The following ITGA1 variants were observed in gnomAD, a reference collection of about 807,000 sequenced individuals.
The protein encoded by ITGA1 is integrin alpha-1.
ITGA1 carries 85 observed loss-of-function variants against 145.9 expected under a neutral mutation model. That is an observed-to-expected ratio of 0.58 (90% CI 0.49 to 0.70). The LOEUF (loss-of-function observed/expected upper bound fraction) is 0.70, where lower values mean the gene tolerates loss of function less well. ITGA1 is among the 30% of genes least tolerant of loss of function. The pLI is 0.00. For missense variants in ITGA1, 1,351 were observed against 1,418.7 expected, an observed-to-expected ratio of 0.95 and a Z score of 0.77; for synonymous variants, 520 against 495.3, an observed-to-expected ratio of 1.05 and a Z score of -0.66.
chr5:52,834,379 A>C (rs1561222293), intron 1 of ITGA1, among the ~76,000 whole-genome samples: 1 of 151,884 alleles, frequency 6.6e-6, no homozygotes, highest in Non-Finnish European at 1.5e-5. Flanking sequence ...GTAAATGGCC[A>C]TCTTCTTGCC....
In ITGA1 at chr5:52,933,712, A is replaced by G. The variant is rs150728380; in HGVS notation, c.2862-182A>G. On this transcript the variant is annotated intron_variant, in intron 22 of 28. Coordinates refer to ENST00000282588, the MANE Select transcript of ITGA1 (RefSeq NM_181501.2). ...ATCAGTGACTATTGAACTAAATTAC[A>G]TAATCCTTCTCACTCTCCTCAAAGA... is the stretch of plus-strand genomic sequence containing the variant. 7.5e-3 allele frequency: 2,538 copies of G among 337,912 alleles called. 16 individuals carry two copies. The highest frequency in any genetic ancestry group is 0.011 in the Non-Finnish European group (1,980 of 182,978). The allele number at this position is 337,912 out of a possible 1,614,324, so 20.9% of individuals were successfully genotyped here.
chr5:52,939,819 T>C (rs772458272), intron 25 of ITGA1, 21 bp from the exon 26 acceptor site: 13 of 1,508,056 alleles, frequency 8.6e-6, no homozygotes, highest in Middle Eastern at 3.4e-4. Flanking sequence ...TACTGATATG[T>C]ATCTCTGGAC....
At chr5:52,801,321 C>G in intron 1 of ITGA1, 1 of 1,212,552 alleles carries the variant, frequency 8.2e-7, no homozygotes, top group Non-Finnish European at 1.2e-6. Context: ...TGAAGCCTTA[C>G]TAGCGCTTTT....
chr5:52,903,049 T>C (rs760045697), intron 11 of ITGA1: 2 of 152,198 alleles, frequency 1.3e-5, no homozygotes, highest in Non-Finnish European at 2.9e-5. Flanking sequence ...AACTGGTAGT[T>C]ACTGTCCCTG....
intron 1 of ITGA1, among the ~76,000 whole-genome samples, chr5:52,797,550 C>A (rs1462578495): frequency 6.6e-6 from 1 of 151,616 alleles, no homozygotes; most frequent in East Asian, 1.9e-4. Context: ...CCTTTCAAAT[C>A]CTCTAGGTTG....
intron 19 of ITGA1, among the ~76,000 whole-genome samples, chr5:52,925,891 A>G (rs1427482929): frequency 6.6e-6 from 1 of 152,196 alleles, no homozygotes; most frequent in South Asian, 2.1e-4. Context: ...CTCCCTTTCT[A>G]TGCAAAATCC....
At chr5:52,840,529 T>A (rs1749237701) in intron 1 of ITGA1, among the ~76,000 whole-genome samples, 1 of 152,076 alleles carries the variant, frequency 6.6e-6, no homozygotes, top group Non-Finnish European at 1.5e-5. Context: ...GCTGATGTGG[T>A]GAAGGGGGTT....
intron 14 of ITGA1, among the ~76,000 whole-genome samples, chr5:52,913,796 C>T (rs532814436): frequency 6.6e-6 from 1 of 152,276 alleles, no homozygotes; most frequent in Admixed American, 6.5e-5. Flanking sequence ...GTAATGCAAA[C>T]ATGAGTGATT....
chr5:52,791,841 TAAG>T (rs1748248635), intron 1 of ITGA1, among the ~76,000 whole-genome samples: 1 of 152,186 alleles, frequency 6.6e-6, no homozygotes, highest in African/African-American at 2.4e-5. Context: ...AATATAGTAT[TAAG>T]AAGTTAATTT....
chr5:52,947,551 A>T, intron 28 of ITGA1, 90 bp downstream of exon 28: 1 of 757,248 alleles, frequency 1.3e-6, no homozygotes, highest in Non-Finnish European at 2.3e-6. Flanking sequence ...TATGTAATAT[A>T]GTATTATTAC....
intron 1 of ITGA1, among the ~76,000 whole-genome samples, chr5:52,799,445 G>A (rs1423760023): frequency 6.6e-6 from 1 of 152,164 alleles, no homozygotes; most frequent in East Asian, 1.9e-4. Context: ...GAAAGCTGAG[G>A]CTGCCAACTT....
intron 21 of ITGA1, chr5:52,931,836 C>A: frequency 2.3e-6 from 1 of 426,496 alleles, no homozygotes; most frequent in Non-Finnish European, 4.2e-6. Flanking sequence ...ATTGTCAAGT[C>A]TAGTCGCACA....
chr5:52,807,888 A>G (rs745725074), intron 1 of ITGA1, among the ~76,000 whole-genome samples: 9 of 152,122 alleles, frequency 5.9e-5, no homozygotes, highest in Non-Finnish European at 8.8e-5. Context: ...CTTTTTTTTA[A>G]TGACTCACCT....
Position 52,922,961 on chromosome 5 carries a change from T to A in ITGA1, c.2403+74T>A, listed in dbSNP as rs1012489711. ...AATGTCACTAGTAAACTGTGTTTTT[T>A]CACTACTCTGCATTGATCACAAAGA... On this transcript the variant is annotated intron_variant, in intron 18 of 28. Coordinates refer to ENST00000282588, the MANE Select transcript of ITGA1 (RefSeq NM_181501.2). 2.6e-5 allele frequency: 23 copies of A among 881,668 alleles called. No individual in the cohort carries two copies. In the African/African-American group the frequency reaches 3.5e-4, roughly 13 times the overall value. The allele number at this position is 881,668 out of a possible 1,614,324, so 54.6% of individuals were successfully genotyped here.
intron 8 of ITGA1, among the ~76,000 whole-genome samples, chr5:52,892,321 CA>C (rs200126476): frequency 6.6e-6 from 1 of 151,534 alleles, no homozygotes; most frequent in African/African-American, 2.4e-5. Context: ...AACAAGTGAA[CA>C]AAAAAAACTG....
intron 1 of ITGA1, among the ~76,000 whole-genome samples, chr5:52,836,597 G>T (rs761732495): frequency 2.6e-5 from 4 of 151,932 alleles, no homozygotes; most frequent in Non-Finnish European, 4.4e-5. Context: ...TGTTCATTTT[G>T]CCTACCTCTG....
At chr5:52,906,957 G>A (rs553026238) in intron 12 of ITGA1, among the ~76,000 whole-genome samples, 1 of 152,296 alleles carries the variant, frequency 6.6e-6, no homozygotes, top group Admixed American at 6.5e-5. Flanking sequence ...ATAGCTTCCA[G>A]GGTGTCTACA....
intron 1 of ITGA1, among the ~76,000 whole-genome samples, chr5:52,816,915 A>G (rs1184837704): frequency 6.6e-6 from 1 of 152,208 alleles, no homozygotes; most frequent in Non-Finnish European, 1.5e-5. Context: ...TCTTTGCAGT[A>G]ATATTTTCAA....
intron 1 of ITGA1, chr5:52,800,080 C>A (rs1459348840): frequency 2.9e-6 from 1 of 348,636 alleles, no homozygotes; most frequent in East Asian, 6.5e-5. Context: ...GGGACGGGGG[C>A]TGCGCATGCG....
Sources: gnomAD v4.1 joint callset for allele counts (sites outside exome capture counted in the v4.1 genomes callset) on GRCh38, gnomAD v4.1.1 for gene constraint, MANE v1.5 for transcripts, NCBI Gene and HGNC (gene_info 2026-07-23, HGNC 2026-07-21) for gene names.